The following DDX60L variants were observed in gnomAD, a reference collection of about 807,000 sequenced individuals.
The protein encoded by DDX60L is DExD/H-box 60 like, also known as probable ATP-dependent RNA helicase DDX60-like.
DDX60L carries 191 observed loss-of-function variants against 211.6 expected under a neutral mutation model. The ratio of observed to expected loss-of-function variants is 0.90; its 90% CI spans 0.80 to 1.02. The LOEUF (loss-of-function observed/expected upper bound fraction) is 1.02. Ranked by LOEUF, DDX60L falls within the 50% of genes least tolerant of loss-of-function variation. The pLI is 0.00. For missense variants in DDX60L, 2,007 were observed against 1,984.1 expected (o/e 1.01, Z -0.22); for synonymous variants, 706 against 694.1 (o/e 1.02, Z -0.27).
Position 168,441,401 on chromosome 4 carries a change from T to TC in DDX60L, c.1229dup (p.Ser412ValfsTer13). ...TTGTTGTTCTCAGAGGAAAAGACTT[T>TC]CCAACGTTAAATTCTTTAACCAGGT... On this transcript the variant is annotated frameshift_variant, in exon 10 of 38. Coordinates refer to ENST00000682922, the MANE Select transcript of DDX60L (RefSeq NM_001012967.3). LOFTEE classifies it high-confidence loss of function. 1 of 1,613,270 alleles carries TC rather than the reference T, an allele frequency of 6.2e-7. No individual in the cohort carries two copies. Among genetic ancestry groups the TC allele is most frequent in the East Asian group, 2.2e-5 (1 of 44,808 alleles).
At chr4:168,377,330 A>T in intron 33 of DDX60L, among the ~76,000 whole-genome samples, 1 of 151,056 alleles carries the variant, frequency 6.6e-6, no homozygotes, top group African/African-American at 2.4e-5. Context: ...AAATAAATAA[A>T]TAAATAAATA....
intron 29 of DDX60L, among the ~76,000 whole-genome samples, chr4:168,390,969 T>TA (rs1301152112): frequency 2.1e-5 from 3 of 143,048 alleles, no homozygotes; most frequent in Non-Finnish European, 4.7e-5. Flanking sequence ...AAAAACCTTT[T>TA]TAAAAAAAAA....
At chr4:168,397,021 T>A (rs1745922116) in intron 26 of DDX60L, among the ~76,000 whole-genome samples, 1 of 152,164 alleles carries the variant, frequency 6.6e-6, no homozygotes, top group Non-Finnish European at 1.5e-5. Context: ...AGAGTTTTCA[T>A]GAATGGGATT....
At chr4:168,401,494 C>G (rs1414990220) in intron 25 of DDX60L, among the ~76,000 whole-genome samples, 1 of 152,220 alleles carries the variant, frequency 6.6e-6, no homozygotes, top group Non-Finnish European at 1.5e-5. Flanking sequence ...AGCTGTAGCC[C>G]TTGGGCACAT....
chr4:168,464,462 G>GAAAC (rs1757718349), intron 4 of DDX60L, among the ~76,000 whole-genome samples: 1 of 55,068 alleles, frequency 1.8e-5, no homozygotes, highest in South Asian at 5.9e-4. Context: ...TTTTTTGGTA[G>GAAAC]AAACAGGATC....
intron 13 of DDX60L, among the ~76,000 whole-genome samples, chr4:168,428,497 T>G (rs13128143): frequency 0.82 from 124,114 of 152,112 alleles, 51,415 homozygotes; most frequent in East Asian, 0.99. Context: ...ATGTTTTCAT[T>G]TTTTGGATCT....
chr4:168,418,080 G>A (rs924269865), intron 19 of DDX60L, among the ~76,000 whole-genome samples: 2 of 152,098 alleles, frequency 1.3e-5, no homozygotes, highest in Middle Eastern at 3.4e-3. Context: ...TTTGTTTTTT[G>A]TTTTGAGATG....
At chr4:168,417,648 C>T (rs533821181) in intron 19 of DDX60L, among the ~76,000 whole-genome samples, 2 of 152,210 alleles carry the variant, frequency 1.3e-5, no homozygotes, top group African/African-American at 4.8e-5. Flanking sequence ...AATTGCTCTC[C>T]CCTTCACTAA....
At chr4:168,382,344 G>A (rs961791265) in intron 30 of DDX60L, among the ~76,000 whole-genome samples, 1 of 152,092 alleles carries the variant, frequency 6.6e-6, no homozygotes, top group African/African-American at 2.4e-5. Context: ...TAATAAAGCA[G>A]TTTCCTTTGA....
At chr4:168,430,995 A>G (rs1450409029) in intron 12 of DDX60L, among the ~76,000 whole-genome samples, 1 of 152,178 alleles carries the variant, frequency 6.6e-6, no homozygotes, top group Non-Finnish European at 1.5e-5. Context: ...TACACTCTAA[A>G]TGATTATATG....
intron 12 of DDX60L, 102 bp downstream of exon 12, chr4:168,432,352 CA>C (rs1752487020): frequency 9.3e-6 from 3 of 323,962 alleles, no homozygotes; most frequent in Non-Finnish European, 1.1e-5. Flanking sequence ...AGATCTCATT[CA>C]AAATAGAACG....
Position 168,472,706 on chromosome 4 carries a change from T to G in DDX60L, c.-7A>C, listed in dbSNP as rs1399883137. ...AAGATTGAGAATTACCCATCGTTGCTGCTTCTTGGGCTACAGGGTAGAAGA... is the reference window on the plus strand; with the variant it reads ...AAGATTGAGAATTACCCATCGTTGCGGCTTCTTGGGCTACAGGGTAGAAGA... On this transcript the variant is annotated 5_prime_UTR_variant, in exon 2 of 38. Coordinates refer to ENST00000682922, the MANE Select transcript of DDX60L (RefSeq NM_001012967.3). The G allele has an allele frequency of 6.2e-7, 1 of 1,613,364 alleles. No homozygotes were observed. The highest frequency in any genetic ancestry group is 1.3e-5 in the African/African-American group (1 of 74,926).
At chr4:168,467,685 A>C (rs2319854) in intron 4 of DDX60L, among the ~76,000 whole-genome samples, 109,544 of 152,072 alleles carry the variant, frequency 0.72, 40,727 homozygotes, top group East Asian at 0.88. Flanking sequence ...CAAAAATTTT[A>C]TTCCAAGGAA....
intron 6 of DDX60L, among the ~76,000 whole-genome samples, chr4:168,457,100 C>A (rs559204859): frequency 6.6e-6 from 1 of 151,548 alleles, no homozygotes; most frequent in Non-Finnish European, 1.5e-5. Context: ...CCTGTGGGTC[C>A]AGCTACTCAG....
In DDX60L at chr4:168,422,607, G is replaced by A; in HGVS notation, c.2161C>T (p.Gln721Ter). 1 of 1,613,268 alleles carries A rather than the reference G, an allele frequency of 6.2e-7. No homozygotes were observed. Residue 721 changes from glutamine to a stop codon, truncating the protein, a stop_gained, in exon 16 of 38, where the codon CAA (glutamine) becomes TAA (stop). Transcript: ENST00000682922. LOFTEE classifies it high-confidence loss of function. ...IDIGPARFQL[Q>*]YMGHYLIRDE... ...CTTATCAAGTAATGGCCCATGTATT[G>A]CAGTTGAAACCGAGCTGGTCCAATG...
chr4:168,394,424 A>C, intron 28 of DDX60L, 41 bp downstream of exon 28: 1 of 1,517,946 alleles, frequency 6.6e-7, no homozygotes, highest in Non-Finnish European at 8.9e-7. Flanking sequence ...GCATCATAAT[A>C]TGCACAACTT....
At chr4:168,442,468 C>A (rs920598485) in intron 9 of DDX60L, among the ~76,000 whole-genome samples, 6 of 152,208 alleles carry the variant, frequency 3.9e-5, no homozygotes, top group African/African-American at 1.4e-4. Flanking sequence ...CCGCCATTGC[C>A]CAGGCTTGAT....
intron 28 of DDX60L, 55 bp downstream of exon 28, chr4:168,394,410 T>C: frequency 7.9e-7 from 1 of 1,268,026 alleles, no homozygotes; most frequent in Non-Finnish European, 1.0e-6. Flanking sequence ...TTTAGTGGTA[T>C]TCAGCATCAT....
chr4:168,441,482 C>A lies in DDX60L; in HGVS notation c.1149G>T (p.Leu383Phe). 2 of 1,598,892 alleles carry A rather than the reference C, an allele frequency of 1.3e-6. No individual in the cohort carries two copies. Among genetic ancestry groups the A allele is most frequent in the South Asian group, 1.1e-5 (1 of 88,348 alleles). The change falls in exon 10 of 38, where the codon TTG (leucine) becomes TTT (phenylalanine). Residue 383 changes from leucine to phenylalanine, a missense_variant. Physicochemically the swap from Leu to Phe is conservative, Grantham distance 22 (BLOSUM62 0). Transcript: ENST00000682922. ...CCCTCCTAATGGAATCTCCCAAATT[C>A]AAATGTGGTTCTGCATAACAATAAA... ...YEFESTQEPHLNLGDSIRRDY... is the reference protein window; with the variant it reads ...YEFESTQEPHFNLGDSIRRDY...
Sources: gnomAD v4.1 joint callset for allele counts (sites outside exome capture counted in the v4.1 genomes callset) on GRCh38, gnomAD v4.1.1 for gene constraint, MANE v1.5 for transcripts, NCBI Gene and HGNC (gene_info 2026-07-23, HGNC 2026-07-21) for gene names.